HERC4: variants seen among roughly 807,000 people sequenced by gnomAD.
HERC4 encodes the protein probable E3 ubiquitin-protein ligase HERC4.
Under a neutral mutation model 124.3 loss-of-function variants are expected in HERC4, and 28 were observed. The observed-to-expected ratio is 0.23, with a 90% CI of 0.17 to 0.31. The LOEUF (loss-of-function observed/expected upper bound fraction) is 0.31, where lower values mean the gene tolerates loss of function less well. Ranked by LOEUF, HERC4 falls within the 10% of genes least tolerant of loss-of-function variation. HERC4 has a pLI of 1.00. For synonymous variants in HERC4, 407 were observed against 421.5 expected (o/e 0.97, Z 0.42); for missense variants, 713 against 1,229.3 (o/e 0.58, Z 6.28).
At chr10:68,066,803 T>C (rs2133830178) in intron 3 of HERC4, among the ~76,000 whole-genome samples, 1 of 152,306 alleles carries the variant, frequency 6.6e-6, no homozygotes, top group Non-Finnish European at 1.5e-5. Context: ...TGTTCGTTTG[T>C]TCAAATATTC....
chr10:67,926,628 C>A (rs191992797), intron 23 of HERC4, among the ~76,000 whole-genome samples: 22 of 152,188 alleles, frequency 1.4e-4, no homozygotes, highest in Non-Finnish European at 5.9e-5. Flanking sequence ...CTAATTTTTA[C>A]CCTTTTAGGG....
chr10:67,975,385 A>G (rs377524230), intron 15 of HERC4, among the ~76,000 whole-genome samples: 5 of 152,150 alleles, frequency 3.3e-5, no homozygotes, highest in African/African-American at 1.2e-4. Context: ...AGAGCCAGAA[A>G]TATAACTCAT....
intron 19 of HERC4, among the ~76,000 whole-genome samples, chr10:67,950,022 A>G (rs934251913): frequency 6.6e-6 from 1 of 152,164 alleles, no homozygotes; most frequent in Admixed American, 6.6e-5. Flanking sequence ...CCATCAATCA[A>G]AAAAACAAAA....
At chr10:67,966,436 T>G (rs573107935) in intron 16 of HERC4, 73 of 326,782 alleles carry the variant, frequency 2.2e-4, no homozygotes, top group African/African-American at 1.3e-3. Flanking sequence ...AGGTTTTTTT[T>G]GTCTTGTTTT....
At chr10:67,990,799 G>T in intron 13 of HERC4, 105 bp downstream of exon 13, 3 of 607,542 alleles carry the variant, frequency 4.9e-6, no homozygotes, top group South Asian at 6.2e-5. Context: ...AAAGCACATC[G>T]TAAGAGTCTG....
chr10:68,062,986 C>G (rs1344236760), intron 3 of HERC4, among the ~76,000 whole-genome samples: 1 of 152,166 alleles, frequency 6.6e-6, no homozygotes, highest in Non-Finnish European at 1.5e-5. Context: ...CAAGACATCT[C>G]AATTACATGG....
intron 3 of HERC4, chr10:68,069,687 T>C (rs767588528): frequency 1.0e-5 from 10 of 985,352 alleles, no homozygotes; most frequent in Non-Finnish European, 1.1e-5. Context: ...AAAGCCAACC[T>C]ATGTAAAGAA....
At chr10:68,064,435 T>C (rs2041194709) in intron 3 of HERC4, among the ~76,000 whole-genome samples, 1 of 150,458 alleles carries the variant, frequency 6.6e-6, no homozygotes, top group African/African-American at 2.5e-5. Flanking sequence ...ATGCCTGCAA[T>C]CTCAGCTACT....
intron 16 of HERC4, 145 bp from the exon 17 acceptor site, chr10:67,957,121 G>C (rs1308545678): frequency 4.0e-6 from 2 of 502,438 alleles, no homozygotes; most frequent in African/African-American, 1.9e-5. Context: ...GCTGCTTACA[G>C]AATTATTAAA....
At chr10:68,001,033 A>G (rs2037198632) in intron 9 of HERC4, among the ~76,000 whole-genome samples, 1 of 152,150 alleles carries the variant, frequency 6.6e-6, no homozygotes. Context: ...GGCTCCAGGG[A>G]GATAATAATC....
At chr10:67,978,247 G>A (rs1422110917) in intron 15 of HERC4, among the ~76,000 whole-genome samples, 2 of 152,170 alleles carry the variant, frequency 1.3e-5, no homozygotes, top group African/African-American at 4.8e-5. Flanking sequence ...CAGCCTGGGC[G>A]ACAGGAGACT....
At chr10:68,044,333 G>T in intron 4 of HERC4, 71 bp downstream of exon 4, 1 of 1,444,346 alleles carries the variant, frequency 6.9e-7, no homozygotes, top group Non-Finnish European at 9.4e-7. Context: ...CCAAAGATAA[G>T]CAGAACAATT....
At chr10:67,954,535 A>G in intron 19 of HERC4, 60 bp downstream of exon 19, 2 of 1,328,204 alleles carry the variant, frequency 1.5e-6, no homozygotes, top group South Asian at 1.6e-5. Flanking sequence ...AACTTGATAC[A>G]TACAGGTATA....
Position 68,061,879 on chromosome 10 carries a change from TAAAAAAAAAA to T in HERC4, c.226+10994_226+11003del, listed in dbSNP as rs71470503. 5.0e-3 allele frequency among the ~76,000 whole-genome samples: 275 copies of T among 54,888 alleles called. 5 individuals are homozygous for T. The highest frequency in any genetic ancestry group is 0.017 in the Middle Eastern group (1 of 58). The allele number at this position is 54,888 out of a possible 152,430, so 36.0% of individuals were successfully genotyped here. A position where few individuals can be genotyped will look rare whatever the true frequency, so the allele number is the denominator to read the frequency against. On this transcript the variant is annotated intron_variant, in intron 3 of 24. Transcript: ENST00000373700. ...CTGGGTGACAGAGCGAGACTCCATTTAAAAAAAAAAAAAAAAAAAAAAAAAAAAATCTGTA... is the reference window on the plus strand; with the variant it reads ...CTGGGTGACAGAGCGAGACTCCATTTAAAAAAAAAAAAAAAAAAATCTGTA...
chr10:67,985,022 T>C (rs574394794), intron 15 of HERC4, among the ~76,000 whole-genome samples: 3 of 152,360 alleles, frequency 2.0e-5, no homozygotes, highest in East Asian at 3.9e-4. Flanking sequence ...GCTGATATGA[T>C]ATATACGTTT....
chr10:68,063,667 G>A (rs1053765357), intron 3 of HERC4, among the ~76,000 whole-genome samples: 3 of 152,192 alleles, frequency 2.0e-5, no homozygotes, highest in African/African-American at 7.2e-5. Flanking sequence ...GTCAGGCGTG[G>A]TGGCTCACAC....
At chr10:68,032,724 A>C in intron 7 of HERC4, 54 bp downstream of exon 7, 1 of 879,506 alleles carries the variant, frequency 1.1e-6, no homozygotes, top group Non-Finnish European at 1.9e-6. Context: ...AACATTCATT[A>C]ATTATGAAAG....
At chr10:67,973,804 A>G (rs958205402) in intron 15 of HERC4, among the ~76,000 whole-genome samples, 14 of 152,180 alleles carry the variant, frequency 9.2e-5, no homozygotes. Context: ...CTGTAATCCC[A>G]GAACTTTGGG....
At chr10:67,990,103 A>T in intron 14 of HERC4, 108 bp downstream of exon 14, 1 of 809,648 alleles carries the variant, frequency 1.2e-6, no homozygotes, top group Non-Finnish European at 1.9e-6. Flanking sequence ...TTTGCCTAAG[A>T]CAGTGTCAAA....
Sources: gnomAD v4.1 joint callset for allele counts (sites outside exome capture counted in the v4.1 genomes callset) on GRCh38, gnomAD v4.1.1 for gene constraint, MANE v1.5 for transcripts, NCBI Gene and HGNC (gene_info 2026-07-23, HGNC 2026-07-21) for gene names.